The following CAMTA1 variants were observed in gnomAD, a reference collection of about 807,000 sequenced individuals.
CAMTA1 encodes calmodulin binding transcription activator 1, also known as calmodulin-binding transcription activator 1.
Under a neutral mutation model 170.9 loss-of-function variants are expected in CAMTA1, and 27 were observed. The observed-to-expected ratio is 0.16, with a 90% CI of 0.12 to 0.22. The LOEUF (loss-of-function observed/expected upper bound fraction) is 0.22, where lower values mean the gene tolerates loss of function less well. Ranked by LOEUF, CAMTA1 falls within the 10% of genes least tolerant of loss-of-function variation. The pLI is 1.00. For synonymous variants in CAMTA1, 833 were observed against 891.5 expected, an observed-to-expected ratio of 0.93 and a Z score of 1.17; for missense variants, 1,619 against 2,217.2, an observed-to-expected ratio of 0.73 and a Z score of 5.42.
intron 3 of CAMTA1, among the ~76,000 whole-genome samples, chr1:6,896,686 C>T (rs989651690): frequency 6.6e-6 from 1 of 152,126 alleles, no homozygotes; most frequent in Non-Finnish European, 1.5e-5. Context: ...GTTCAATTAA[C>T]TACTTCTGAG....
intron 5 of CAMTA1, among the ~76,000 whole-genome samples, chr1:7,303,851 A>G (rs1024159443): frequency 1.3e-5 from 2 of 152,200 alleles, no homozygotes; most frequent in African/African-American, 2.4e-5. Flanking sequence ...CCCTATTGAA[A>G]TCTGGGGAGA....
chr1:7,006,293 C>T (rs938166250), intron 3 of CAMTA1, among the ~76,000 whole-genome samples: 15 of 151,990 alleles, frequency 9.9e-5, no homozygotes, highest in Non-Finnish European at 2.1e-4. Context: ...TTTACTTTTC[C>T]CCATTAAAAA....
At chr1:7,172,499 G>A (rs554459901) in intron 4 of CAMTA1, among the ~76,000 whole-genome samples, 7 of 149,000 alleles carry the variant, frequency 4.7e-5, no homozygotes, top group South Asian at 2.1e-4. Flanking sequence ...GAAGGTATGC[G>A]GAGCATGAAC....
At chr1:7,544,699 G>A (rs2094665676) in intron 6 of CAMTA1, among the ~76,000 whole-genome samples, 1 of 152,164 alleles carries the variant, frequency 6.6e-6, no homozygotes, top group Admixed American at 6.5e-5. Flanking sequence ...ACAGGATTCT[G>A]GCAGCTGGAA....
intron 1 of CAMTA1, among the ~76,000 whole-genome samples, chr1:6,809,377 C>T (rs532173596): frequency 1.3e-5 from 2 of 152,228 alleles, no homozygotes; most frequent in South Asian, 2.1e-4. Flanking sequence ...TGTGTATATA[C>T]AGCGTGACAT....
At chr1:6,973,690 C>T (rs551722503) in intron 3 of CAMTA1, among the ~76,000 whole-genome samples, 4 of 152,290 alleles carry the variant, frequency 2.6e-5, no homozygotes, top group Non-Finnish European at 5.9e-5. Context: ...ACAGTGGCCA[C>T]GATTCTGAAC....
Position 7,609,961 on chromosome 1 carries a change from T to A in CAMTA1, c.511-30439T>A, listed in dbSNP as rs1007767881. The stretch of plus-strand genomic sequence containing the variant: ...GGGTAAACTGTGGGGTCTCCAAGTC[T>A]CTTTACCTGAAATACAGCACCTGCC... On this transcript the variant is annotated intron_variant, in intron 6 of 22. Coordinates refer to ENST00000303635, the MANE Select transcript of CAMTA1 (RefSeq NM_015215.4). The surrounding 1 kb of genome is among the most constrained non-coding windows in gnomAD (Gnocchi z 4.4). 1.3e-5 allele frequency among the ~76,000 whole-genome samples: 2 copies of A among 152,174 alleles called. No individual in the cohort carries two copies. Among genetic ancestry groups the A allele is most frequent in the African/African-American group, 4.8e-5 (2 of 41,450 alleles).
chr1:7,746,809 G>A (rs1040829767), intron 18 of CAMTA1, among the ~76,000 whole-genome samples: 1 of 152,124 alleles, frequency 6.6e-6, no homozygotes, highest in African/African-American at 2.4e-5. Context: ...CCTAATTCTT[G>A]TATTTTTAGT....
intron 7 of CAMTA1, among the ~76,000 whole-genome samples, chr1:7,657,594 G>A (rs115342564): frequency 2.4e-3 from 362 of 152,306 alleles, no homozygotes; most frequent in African/African-American, 8.3e-3. Context: ...GCCGGCATGC[G>A]TGGCTATTAA....
intron 7 of CAMTA1, among the ~76,000 whole-genome samples, chr1:7,656,529 A>G (rs1031372135): frequency 1.3e-5 from 2 of 152,242 alleles, no homozygotes; most frequent in African/African-American, 2.4e-5. Context: ...GCTTCAACCT[A>G]TGGATTTGGT....
chr1:7,630,258 C>T (rs372390748), intron 6 of CAMTA1, among the ~76,000 whole-genome samples: 73 of 152,144 alleles, frequency 4.8e-4, no homozygotes, highest in Middle Eastern at 3.2e-3. Flanking sequence ...TGCAGGCAGA[C>T]GGGACCCTCT....
At chr1:7,450,001 C>T (rs916197921) in intron 5 of CAMTA1, among the ~76,000 whole-genome samples, 2 of 152,000 alleles carry the variant, frequency 1.3e-5, no homozygotes, top group Non-Finnish European at 2.9e-5. Context: ...CTGGCACTGC[C>T]ATCATGTTAC....
At chr1:7,320,649 G>GTTTTTT (rs55683398) in intron 5 of CAMTA1, among the ~76,000 whole-genome samples, 12 of 80,310 alleles carry the variant, frequency 1.5e-4, no homozygotes, top group East Asian at 1.1e-3. Flanking sequence ...TGCTGTGTGT[G>GTTTTTT]TTTTTTTTTT....
chr1:7,572,586 T>C (rs1035144297), intron 6 of CAMTA1, among the ~76,000 whole-genome samples: 4 of 152,216 alleles, frequency 2.6e-5, no homozygotes, highest in African/African-American at 9.7e-5. Flanking sequence ...GCACCATTTA[T>C]TGAATAAAGA....
intron 4 of CAMTA1, among the ~76,000 whole-genome samples, chr1:7,180,193 C>T (rs570573048): frequency 6.6e-6 from 1 of 151,938 alleles, no homozygotes; most frequent in East Asian, 1.9e-4. Flanking sequence ...GTGGTAAAAC[C>T]GTGTCTCTAC....
chr1:7,187,410 T>C (rs776729613), intron 4 of CAMTA1, among the ~76,000 whole-genome samples: 1 of 152,194 alleles, frequency 6.6e-6, no homozygotes, highest in African/African-American at 2.4e-5. Flanking sequence ...TATGAAATTA[T>C]ATTGAAAGCA....
chr1:6,799,762 G>C (rs565032349), intron 1 of CAMTA1, among the ~76,000 whole-genome samples: 4 of 152,116 alleles, frequency 2.6e-5, no homozygotes, highest in Non-Finnish European at 5.9e-5. Context: ...AATAAAAGTT[G>C]TGTGAATGTG....
chr1:7,196,928 G>A (rs1413906086), intron 4 of CAMTA1, among the ~76,000 whole-genome samples: 2 of 152,192 alleles, frequency 1.3e-5, no homozygotes, highest in Non-Finnish European at 2.9e-5. Flanking sequence ...TCCTTGCAAA[G>A]TCTGTAACAA....
At chr1:7,535,601 G>A (rs888706768) in intron 6 of CAMTA1, among the ~76,000 whole-genome samples, 3 of 152,172 alleles carry the variant, frequency 2.0e-5, no homozygotes, top group Non-Finnish European at 4.4e-5. Context: ...GACTGGAGAC[G>A]AGTGGCCACT....
Sources: allele counts gnomAD v4.1 joint callset (sites outside exome capture counted in the v4.1 genomes callset), GRCh38; gene constraint gnomAD v4.1.1; non-coding constraint Gnocchi (gnomAD v3.1); transcripts MANE v1.5; gene names NCBI Gene and HGNC (gene_info 2026-07-23, HGNC 2026-07-21).